ADAM23: variants seen among roughly 807,000 people sequenced by gnomAD.
ADAM23 encodes the protein disintegrin and metalloproteinase domain-containing protein 23.
ADAM23 carries 33 observed loss-of-function variants against 120.1 expected under a neutral mutation model. The ratio of observed to expected loss-of-function variants is 0.27; its 90% confidence interval spans 0.21 to 0.37. The LOEUF is 0.37. ADAM23 is among the 10% of genes least tolerant of loss of function. The probability of loss-of-function intolerance (pLI) is 1.00; values close to 1 mark genes in which losing one functional copy is unlikely to be tolerated. For synonymous variants in ADAM23, 367 were observed against 375.2 expected (o/e 0.98, Z 0.25); for missense variants, 862 against 1,058.2 (o/e 0.81, Z 2.57).
Position 206,562,313 on chromosome 2 carries a change from T to C in ADAM23, c.1345+20T>C, listed in dbSNP as rs1240483468. The C allele has an allele frequency of 2.5e-6, 4 of 1,593,464 alleles. No homozygotes were observed. The African/African-American group carries it at 5.4e-5, about 21-fold the overall frequency. On this transcript the variant is annotated intron_variant, in intron 13 of 25. Transcript: ENST00000264377. ...AGCCAAGTATGTACACTGACCTTCT[T>C]ACTCATTTTCATGTGCCATTCTGTC...
chr2:206,595,968 T>G, intron 23 of ADAM23, 83 bp from the exon 24 acceptor site: 3 of 1,070,192 alleles, frequency 2.8e-6, no homozygotes, highest in Non-Finnish European at 4.1e-6. Flanking sequence ...GCTTCCTCCC[T>G]GCCCCCGTGT....
At chr2:206,451,816 A>G (rs16838246) in intron 2 of ADAM23, among the ~76,000 whole-genome samples, 14,944 of 152,232 alleles carry the variant, frequency 0.098, 918 homozygotes, top group Middle Eastern at 0.15. Context: ...GATTTATTCT[A>G]TATCAAACTG....
chr2:206,558,139 G>A (rs1244684618), intron 10 of ADAM23, among the ~76,000 whole-genome samples: 1 of 152,060 alleles, frequency 6.6e-6, no homozygotes, highest in African/African-American at 2.4e-5. Context: ...AAATGCTTAA[G>A]ATTTTCTGCC....
chr2:206,552,100 A>G (rs1197127925), intron 9 of ADAM23, among the ~76,000 whole-genome samples: 1 of 152,154 alleles, frequency 6.6e-6, no homozygotes, highest in South Asian at 2.1e-4. Flanking sequence ...AATCTTGAGC[A>G]TTGTGGCATG....
At chr2:206,511,660 CT>C in intron 3 of ADAM23, among the ~76,000 whole-genome samples, 1 of 152,320 alleles carries the variant, frequency 6.6e-6, no homozygotes, top group East Asian at 1.9e-4. Context: ...CACTTCACCC[CT>C]AGAAGGTCCT....
intron 23 of ADAM23, 47 bp downstream of exon 23, chr2:206,594,952 GGTC>G: frequency 6.2e-7 from 1 of 1,600,674 alleles, no homozygotes; most frequent in Non-Finnish European, 8.5e-7. Context: ...GGTCTGGCAT[GGTC>G]ACAGTGACTG....
At chr2:206,553,242 CACACATATACAT>C (rs879835630) in intron 9 of ADAM23, among the ~76,000 whole-genome samples, 4 of 152,016 alleles carry the variant, frequency 2.6e-5, no homozygotes, top group Admixed American at 1.3e-4. Flanking sequence ...TATACACACA[CACACATATACAT>C]ACACATATAC....
intron 3 of ADAM23, among the ~76,000 whole-genome samples, chr2:206,489,623 A>G (rs1696087423): frequency 6.6e-6 from 1 of 152,150 alleles, no homozygotes; most frequent in Non-Finnish European, 1.5e-5. Flanking sequence ...ATAGTCTCCT[A>G]TTTAAGTTCC....
At chr2:206,583,636 ACT>A (rs773071000) in intron 18 of ADAM23, among the ~76,000 whole-genome samples, 31 of 152,044 alleles carry the variant, frequency 2.0e-4, no homozygotes, top group Non-Finnish European at 2.9e-4. Flanking sequence ...TCTTTCTTCT[ACT>A]TGTTCATTTC....
In ADAM23 at chr2:206,619,841, C is replaced by T. The variant is rs1027814031; in HGVS notation, c.*2214C>T. 2 of 152,232 alleles carry T rather than the reference C, an allele frequency of 1.3e-5. No homozygotes were observed. Among genetic ancestry groups the T allele is most frequent in the African/African-American group, 4.8e-5 (2 of 41,452 alleles). 9.4% of individuals were successfully genotyped at this position (152,232 alleles called of 1,614,324 possible). ...GGTGCTACGCAGGTAGGCGGGCTTT[C>T]TCTAGGACTAGGTGTACGTTTATTT... On this transcript the variant is annotated 3_prime_UTR_variant, in exon 26 of 26. Transcript: ENST00000264377.
intron 3 of ADAM23, among the ~76,000 whole-genome samples, chr2:206,487,317 T>G (rs1696035323): frequency 6.6e-6 from 1 of 152,172 alleles, no homozygotes; most frequent in Non-Finnish European, 1.5e-5. Flanking sequence ...TCAGTCAGTC[T>G]TTTTCTGACT....
intron 6 of ADAM23, among the ~76,000 whole-genome samples, chr2:206,547,138 T>G (rs190057090): frequency 6.6e-6 from 1 of 152,272 alleles, no homozygotes; most frequent in East Asian, 1.9e-4. Context: ...TTTTTACATG[T>G]TTATTGACTT....
intron 16 of ADAM23, 127 bp downstream of exon 16, chr2:206,570,938 T>C (rs1326128249): frequency 2.6e-6 from 2 of 763,182 alleles, no homozygotes; most frequent in East Asian, 5.6e-5. Flanking sequence ...CTCTGATTAG[T>C]GCTTAATTCA....
At chr2:206,512,922 G>C (rs1696655597) in intron 3 of ADAM23, among the ~76,000 whole-genome samples, 3 of 152,198 alleles carry the variant, frequency 2.0e-5, no homozygotes, top group Admixed American at 6.5e-5. Flanking sequence ...ATTATGATCT[G>C]TGATCAGTGA....
chr2:206,564,669 G>C (rs931228576), intron 13 of ADAM23, among the ~76,000 whole-genome samples: 29 of 152,166 alleles, frequency 1.9e-4, no homozygotes, highest in African/African-American at 6.8e-4. Context: ...TCTCTCATAT[G>C]ACAGATCTTG....
chr2:206,547,546 G>C, intron 7 of ADAM23, 45 bp downstream of exon 7: 1 of 1,510,874 alleles, frequency 6.6e-7, no homozygotes, highest in Non-Finnish European at 9.1e-7. Context: ...TGTAGTATGA[G>C]CTTTTATCTG....
chr2:206,455,865 C>G (rs573786322), intron 2 of ADAM23, among the ~76,000 whole-genome samples: 1 of 152,184 alleles, frequency 6.6e-6, no homozygotes, highest in Non-Finnish European at 1.5e-5. Flanking sequence ...ACTTTGCTGT[C>G]CATATCACTA....
rs1014300981 is a variant in ADAM23 at position 206,619,738 on chromosome 2, G to C, written c.*2111G>C. 3 of 152,152 alleles carry C rather than the reference G, an allele frequency of 2.0e-5. No individual in the cohort carries two copies. The highest frequency in any genetic ancestry group is 7.2e-5 in the African/African-American group (3 of 41,452). 9.4% of individuals were successfully genotyped at this position (152,152 alleles called of 1,614,324 possible). On this transcript the variant is annotated 3_prime_UTR_variant, in exon 26 of 26. Transcript: ENST00000264377. Reference sequence around the variant, plus strand: ...TAACTGGGGAAGTACCACAAACATAGAGCAGAGACTTTAATTTCTATATTC... The same window carrying C: ...TAACTGGGGAAGTACCACAAACATACAGCAGAGACTTTAATTTCTATATTC...
At chr2:206,582,124 C>T (rs916230254) in intron 18 of ADAM23, among the ~76,000 whole-genome samples, 3 of 152,300 alleles carry the variant, frequency 2.0e-5, no homozygotes, top group African/African-American at 7.2e-5. Flanking sequence ...GTGATCCGCC[C>T]GCCTTGGCCT....
Sources: allele counts gnomAD v4.1 joint callset (sites outside exome capture counted in the v4.1 genomes callset), GRCh38; gene constraint gnomAD v4.1.1; transcripts MANE v1.5; gene names NCBI Gene and HGNC (gene_info 2026-07-23, HGNC 2026-07-21).